Variants in SYNE2 observed in about 807,000 individuals in gnomAD.
The protein encoded by SYNE2 is nesprin-2.
Under a neutral mutation model 856.3 loss-of-function variants are expected in SYNE2, and 431 were observed. The ratio of observed to expected loss-of-function variants is 0.50; its 90% confidence interval spans 0.47 to 0.55. The LOEUF is 0.55. Ranked by LOEUF, SYNE2 falls within the 20% of genes least tolerant of loss-of-function variation. The probability of loss-of-function intolerance (pLI) is 0.00; values close to 1 mark genes in which losing one functional copy is unlikely to be tolerated. For synonymous variants in SYNE2, 2,923 were observed against 2,872.3 expected, an observed-to-expected ratio of 1.02 and a Z score of -0.56; for missense variants, 8,129 against 8,023.2, an observed-to-expected ratio of 1.01 and a Z score of -0.50.
chr14:64,007,267 T>G, intron 31 of SYNE2, 45 bp downstream of exon 31: 1 of 1,573,188 alleles, frequency 6.4e-7, no homozygotes. Context: ...AAATTGTCTG[T>G]AGCACAATTA....
intron 59 of SYNE2, 21 bp from the exon 60 acceptor site, chr14:64,090,845 T>A (rs748648373): frequency 6.2e-7 from 1 of 1,606,356 alleles, no homozygotes. Flanking sequence ...TTCTGTAACA[T>A]GCTCCTCTTA....
At chr14:63,905,673 CAT>C (rs1268585982) in intron 1 of SYNE2, among the ~76,000 whole-genome samples, 1 of 152,322 alleles carries the variant, frequency 6.6e-6, no homozygotes, top group East Asian at 1.9e-4. Context: ...TCTAAAATCA[CAT>C]ATCAGTTCTA....
intron 1 of SYNE2, among the ~76,000 whole-genome samples, chr14:63,898,003 G>T (rs1363761524): frequency 6.6e-6 from 1 of 152,166 alleles, no homozygotes; most frequent in African/African-American, 2.4e-5. Flanking sequence ...TCCCAAATTG[G>T]AACTTTGTCT....
rs762264572 is a variant in SYNE2 at position 64,027,680 on chromosome 14, G to A, written c.6601G>A (p.Glu2201Lys). The A allele has an allele frequency of 1.2e-6, 2 of 1,614,084 alleles. No homozygotes were observed. The highest frequency in any genetic ancestry group is 3.3e-5 in the Admixed American group (2 of 60,014). Residue 2201 changes from glutamate to lysine, a missense_variant, in exon 43 of 116, where the codon GAG becomes AAG. Glu to Lys is a moderately conservative substitution (Grantham distance 56). Transcript: ENST00000555002. ...CCAAGATTTGACATCCTTGCTAAAG[G>A]AGTTAAAATCTCAGGGAAACTACCT... ...KAQDLTSLLK[E>K]LKSQGNYLLE...
intron 21 of SYNE2, among the ~76,000 whole-genome samples, 166 bp from the exon 22 acceptor site, chr14:63,993,669 C>A (rs752750381): frequency 6.6e-6 from 1 of 152,164 alleles, no homozygotes; most frequent in Non-Finnish European, 1.5e-5. Context: ...GGGCTAGCAA[C>A]CTCGATTTAC....
intron 76 of SYNE2, 114 bp downstream of exon 76, chr14:64,130,362 T>G: frequency 1.0e-6 from 1 of 982,740 alleles, no homozygotes; most frequent in Non-Finnish European, 1.6e-6. Context: ...AAGCTATTCA[T>G]TCTTTTAATA....
chr14:63,912,254 G>C (rs1004842896), intron 2 of SYNE2, among the ~76,000 whole-genome samples: 3 of 151,998 alleles, frequency 2.0e-5, no homozygotes, highest in African/African-American at 7.3e-5. Context: ...AAGGAAAGAA[G>C]GAAAGGAGGG....
At chr14:64,215,422 G>C (rs141630917) in intron 107 of SYNE2, 68 bp downstream of exon 107, 2 of 1,496,730 alleles carry the variant, frequency 1.3e-6, no homozygotes, top group Non-Finnish European at 1.9e-6. Context: ...CCTCAACCTC[G>C]CTCCCATGTC....
chr14:63,769,418 C>T lies in SYNE2; in HGVS notation c.-305+7432C>T, dbSNP rs560418520. ...GCACAGTGGCTCACGCCTGTAATCC[C>T]GCACTTTGGGAGGCCGAGACAGGCA... On this transcript the variant is annotated intron_variant, in intron 1 of 23. Transcript: ENST00000674003. Among the ~76,000 whole-genome samples, 6 of 152,106 alleles carry T rather than the reference C, an allele frequency of 3.9e-5. No homozygotes were observed. In the South Asian group the frequency reaches 8.3e-4, roughly 21 times the overall value.
At chr14:64,001,820 G>T in intron 28 of SYNE2, 114 bp from the exon 29 acceptor site, 1 of 1,152,988 alleles carries the variant, frequency 8.7e-7, no homozygotes, top group Admixed American at 1.7e-5. Context: ...ATCATTGTAT[G>T]TCTGTTTATT....
At position 64,024,319 on chromosome 14, in the gene SYNE2, T is replaced by C. The variant is rs1325352850; in HGVS notation, c.5700T>C (p.His1900=). 6.2e-7 allele frequency: 1 copy of C among 1,614,136 alleles called. No homozygotes were observed. The highest frequency in any genetic ancestry group is 8.5e-7 in the Non-Finnish European group (1 of 1,179,986). ...AGCAGGTGGACAGCGTACTGAAGCA[T>C]GTGAAGAAGCATCTGCCCAAAGCAC... The part of the protein sequence containing the change: ...KIKQVDSVLK[H]VKKHLPKAHV... Residue 1900 remains histidine (H), a synonymous_variant, in exon 39 of 116, where the codon CAT becomes CAC. Transcript: ENST00000555002.
At chr14:63,919,972 G>GTTGTTTTTTTT (rs2095577632) in intron 2 of SYNE2, among the ~76,000 whole-genome samples, 1 of 110,620 alleles carries the variant, frequency 9.0e-6, no homozygotes, top group Non-Finnish European at 1.8e-5. Context: ...TAAAAGGTAA[G>GTTGTTTTTTTT]TTTTTTTTTT....
intron 8 of SYNE2, among the ~76,000 whole-genome samples, chr14:63,959,013 G>A (rs187081548): frequency 7.4e-4 from 113 of 152,072 alleles, no homozygotes; most frequent in African/African-American, 2.6e-3. Context: ...TTACTTTCTG[G>A]CCTGACAAGA....
chr14:64,028,201 C>A (rs1372364555), intron 43 of SYNE2, among the ~76,000 whole-genome samples: 3 of 151,906 alleles, frequency 2.0e-5, no homozygotes, highest in African/African-American at 7.3e-5. Flanking sequence ...CACACCTGGC[C>A]TGTTGTTGTT....
intron 1 of SYNE2, among the ~76,000 whole-genome samples, chr14:63,811,953 A>T (rs1227800656): frequency 1.3e-5 from 2 of 152,202 alleles, no homozygotes; most frequent in Non-Finnish European, 2.9e-5. Context: ...GCAAAGGGTG[A>T]AATAAAAAAC....
intron 96 of SYNE2, among the ~76,000 whole-genome samples, chr14:64,185,495 T>TTTTTTC (rs1359771611): frequency 1.6e-4 from 23 of 148,222 alleles, no homozygotes; most frequent in African/African-American, 5.7e-4. Context: ...TGCTTCTTTT[T>TTTTTTC]TTTTTCTTTT....
Position 63,997,115 on chromosome 14 carries a change from C to T in SYNE2, c.3109C>T (p.His1037Tyr), listed in dbSNP as rs1255409891. The change falls in exon 24 of 116, where the codon CAT becomes TAT. Residue 1037 changes from histidine (H) to tyrosine (Y), a missense_variant. By Grantham distance (83) the His-to-Tyr change is moderately conservative. Around this residue, in one of 3 missense-constraint regions of SYNE2, gnomAD observed 2,422 missense variants for 2,357.4 expected, o/e 1.03. Transcript: ENST00000555002. ...ERLLKCASEIHMTLQPTAGGT... is the reference protein window; with the variant it reads ...ERLLKCASEIYMTLQPTAGGT... ...ACTTCTGAAATGTGCTTCCGAGATTCATATGACACTGCAGCCCACAGCGGG... is the reference window on the plus strand; with the variant it reads ...ACTTCTGAAATGTGCTTCCGAGATTTATATGACACTGCAGCCCACAGCGGG... 7 of 1,614,108 alleles carry T rather than the reference C, an allele frequency of 4.3e-6. No homozygotes were observed. In the East Asian group the frequency reaches 1.1e-4, roughly 26 times the overall value.
intron 25 of SYNE2, 33 bp from the exon 26 acceptor site, chr14:63,998,186 A>G: frequency 7.2e-7 from 1 of 1,398,374 alleles, no homozygotes; most frequent in South Asian, 1.2e-5. Flanking sequence ...TATGTTTAAG[A>G]TATTTCGTTT....
intron 1 of SYNE2, among the ~76,000 whole-genome samples, chr14:63,892,462 T>C (rs932815918): frequency 6.6e-6 from 1 of 151,214 alleles, no homozygotes; most frequent in African/African-American, 2.4e-5. Context: ...CAAGCAGAAA[T>C]TGGCATTTTT....
Sources: gnomAD v4.1 joint callset for allele counts (sites outside exome capture counted in the v4.1 genomes callset) on GRCh38, gnomAD v4.1.1 for gene constraint, gnomAD v4.1.1 regional missense constraint, MANE v1.5 for transcripts, NCBI Gene and HGNC (gene_info 2026-07-23, HGNC 2026-07-21) for gene names.